HMBOX1: variants seen among roughly 807,000 people sequenced by gnomAD.
HMBOX1 encodes the protein homeobox-containing protein 1.
In HMBOX1, 14 loss-of-function variants were observed where a neutral mutation model predicts 54.5. The ratio of observed to expected loss-of-function variants is 0.26; its 90% CI spans 0.17 to 0.40. The LOEUF (loss-of-function observed/expected upper bound fraction) is 0.40, where lower values mean the gene tolerates loss of function less well. Ranked by LOEUF, HMBOX1 falls within the 10% of genes least tolerant of loss-of-function variation. HMBOX1 has a pLI of 1.00. For synonymous variants in HMBOX1, 160 were observed against 181.0 expected, an observed-to-expected ratio of 0.88 and a Z score of 0.93; for missense variants, 332 against 514.4, an observed-to-expected ratio of 0.65 and a Z score of 3.43.
rs2133375752 is a variant in HMBOX1, at chr8:29,047,455, T to C, written c.1030+2T>C. 1 of 1,491,958 alleles carries C rather than the reference T, an allele frequency of 6.7e-7. No individual in the cohort carries two copies. Among genetic ancestry groups the C allele is most frequent in the East Asian group, 2.3e-5 (1 of 44,366 alleles). The allele number at this position is 1,491,958 out of a possible 1,614,324, so 92.4% of individuals were successfully genotyped here. A position where few individuals can be genotyped will look rare whatever the true frequency, so the allele number is the denominator to read the frequency against. ...AGATCAAGAGGAGAGCCAATATTGG[T>C]AATGTATCAGTGAGGCTGCTTTTCT... is the stretch of plus-strand genomic sequence containing the variant. On this transcript the variant is annotated splice_donor_variant, in intron 8 of 9. Transcript: ENST00000287701. LOFTEE classifies it high-confidence loss of function.
At chr8:29,009,979 A>G (rs1327849131) in intron 5 of HMBOX1, 1 of 984,664 alleles carries the variant, frequency 1.0e-6, no homozygotes, top group Non-Finnish European at 1.2e-6. Context: ...CTAAAACACT[A>G]GTTGAAATAT....
chr8:29,027,717 T>A (rs1011655098), intron 6 of HMBOX1, among the ~76,000 whole-genome samples: 1 of 152,078 alleles, frequency 6.6e-6, no homozygotes, highest in South Asian at 2.1e-4. Context: ...GTAGAAGCAA[T>A]AGAATATAGT....
chr8:28,898,671 C>T (rs533961612), intron 1 of HMBOX1, among the ~76,000 whole-genome samples: 27 of 152,206 alleles, frequency 1.8e-4, no homozygotes, highest in African/African-American at 6.3e-4. Flanking sequence ...TTTGTATTGC[C>T]CTGGTTTTTC....
intron 1 of HMBOX1, among the ~76,000 whole-genome samples, chr8:28,911,824 G>T (rs989350372): frequency 1.3e-5 from 2 of 152,118 alleles, no homozygotes; most frequent in African/African-American, 4.8e-5. Context: ...GGGCAGAGGG[G>T]AGTATTTTGG....
At chr8:28,913,413 A>G (rs1292972774) in intron 1 of HMBOX1, among the ~76,000 whole-genome samples, 1 of 152,010 alleles carries the variant, frequency 6.6e-6, no homozygotes, top group Non-Finnish European at 1.5e-5. Flanking sequence ...CTCTCTAAGT[A>G]GGTGAATTCA....
intron 6 of HMBOX1, among the ~76,000 whole-genome samples, chr8:29,021,782 C>T (rs1242102525): frequency 4.6e-5 from 7 of 151,432 alleles, no homozygotes; most frequent in Non-Finnish European, 1.5e-5. Flanking sequence ...ATGGCATGAA[C>T]CCAGGAGGCA....
intron 6 of HMBOX1, among the ~76,000 whole-genome samples, chr8:29,038,611 T>C (rs1399435265): frequency 6.6e-6 from 1 of 152,176 alleles, no homozygotes; most frequent in Non-Finnish European, 1.5e-5. Flanking sequence ...TTAATAACAG[T>C]GTGTACTGTT....
intron 8 of HMBOX1, among the ~76,000 whole-genome samples, chr8:29,047,990 T>G (rs1010920468): frequency 6.6e-6 from 1 of 152,226 alleles, no homozygotes; most frequent in African/African-American, 2.4e-5. Context: ...ATAAAACTCA[T>G]TCTTCTTAAA....
intron 1 of HMBOX1, among the ~76,000 whole-genome samples, chr8:28,898,160 A>G (rs1812527457): frequency 6.6e-6 from 1 of 152,192 alleles, no homozygotes; most frequent in African/African-American, 2.4e-5. Context: ...TGTATTAACA[A>G]ATAAAGGTAG....
intron 4 of HMBOX1, among the ~76,000 whole-genome samples, chr8:29,008,354 G>T (rs1312365431): frequency 1.3e-5 from 2 of 152,112 alleles, no homozygotes; most frequent in African/African-American, 2.4e-5. Context: ...AGTAATTGCT[G>T]TCAAGAGCTT....
At chr8:28,911,696 C>T (rs1474337417) in intron 1 of HMBOX1, among the ~76,000 whole-genome samples, 4 of 152,124 alleles carry the variant, frequency 2.6e-5, no homozygotes, top group Admixed American at 2.0e-4. Context: ...AAACTTGCCC[C>T]TGCTGCAGTG....
intron 1 of HMBOX1, among the ~76,000 whole-genome samples, chr8:28,941,504 GA>G (rs1821412205): frequency 6.6e-6 from 1 of 151,866 alleles, no homozygotes. Flanking sequence ...GGTTGCAGAG[GA>G]AAAAAACCTG....
intron 1 of HMBOX1, among the ~76,000 whole-genome samples, chr8:28,895,927 T>C (rs529068922): frequency 1.7e-4 from 26 of 152,318 alleles, no homozygotes; most frequent in Non-Finnish European, 3.2e-4. Context: ...CATTCTAAGC[T>C]CCTAGTAGGA....
intron 6 of HMBOX1, among the ~76,000 whole-genome samples, chr8:29,030,338 C>T (rs1012144080): frequency 6.6e-6 from 1 of 152,078 alleles, no homozygotes; most frequent in Non-Finnish European, 1.5e-5. Context: ...CTGCCTCAGC[C>T]TCCCGAGAAG....
intron 1 of HMBOX1, among the ~76,000 whole-genome samples, chr8:28,896,152 A>AAT (rs1335861188): frequency 6.6e-6 from 1 of 152,182 alleles, no homozygotes; most frequent in Non-Finnish European, 1.5e-5. Flanking sequence ...TGGGGATAAA[A>AAT]ATAGTACCTA....
intron 1 of HMBOX1, among the ~76,000 whole-genome samples, chr8:28,948,373 T>C (rs1250800777): frequency 1.3e-5 from 2 of 152,196 alleles, no homozygotes; most frequent in Non-Finnish European, 1.5e-5. Flanking sequence ...AATGTATACA[T>C]GGGTCTCGCA....
chr8:28,951,186 G>A (rs912863097), intron 1 of HMBOX1, among the ~76,000 whole-genome samples: 1 of 152,208 alleles, frequency 6.6e-6, no homozygotes, highest in Non-Finnish European at 1.5e-5. Context: ...AGGCTGGAGT[G>A]CAGTGGCACG....
At chr8:28,901,557 T>C (rs1813234366) in intron 1 of HMBOX1, among the ~76,000 whole-genome samples, 1 of 152,216 alleles carries the variant, frequency 6.6e-6, no homozygotes, top group Non-Finnish European at 1.5e-5. Flanking sequence ...CATTACTTCT[T>C]GTTGAGATGA....
intron 1 of HMBOX1, among the ~76,000 whole-genome samples, chr8:28,942,612 T>C (rs1821645339): frequency 6.6e-6 from 1 of 152,182 alleles, no homozygotes; most frequent in Non-Finnish European, 1.5e-5. Context: ...TTCCTCCTCC[T>C]GCTGCTCCTT....
Sources: gnomAD v4.1 joint callset for allele counts (sites outside exome capture counted in the v4.1 genomes callset) on GRCh38, gnomAD v4.1.1 for gene constraint, MANE v1.5 for transcripts, NCBI Gene and HGNC (gene_info 2026-07-23, HGNC 2026-07-21) for gene names.